Variants in CSMD2 observed in about 807,000 individuals in gnomAD.
CSMD2 encodes CUB and Sushi multiple domains 2, also known as CUB and sushi domain-containing protein 2.
A neutral mutation model predicts 398.5 loss-of-function variants in CSMD2; 130 were observed. The observed-to-expected ratio is 0.33, with a 90% CI of 0.28 to 0.38. The LOEUF is 0.38. Ranked by LOEUF, CSMD2 falls within the 10% of genes least tolerant of loss-of-function variation. The probability of loss-of-function intolerance (pLI) is 1.00; values close to 1 mark genes in which losing one functional copy is unlikely to be tolerated. For missense variants in CSMD2, 3,829 were observed against 4,764.9 expected, an observed-to-expected ratio of 0.80 and a Z score of 5.78; for synonymous variants, 1,828 against 1,908.5, an observed-to-expected ratio of 0.96 and a Z score of 1.10.
At chr1:33,839,073 G>A (rs1283237024) in intron 6 of CSMD2, 1 of 152,252 alleles carries the variant, frequency 6.6e-6, no homozygotes, top group Non-Finnish European at 1.5e-5. Context: ...CATTTCTGAT[G>A]TAATCACAAA....
chr1:33,880,919 A>G (rs946715354), intron 5 of CSMD2, among the ~76,000 whole-genome samples: 6 of 152,154 alleles, frequency 3.9e-5, no homozygotes, highest in Non-Finnish European at 7.3e-5. Flanking sequence ...TCCCCCATTC[A>G]CCCTGAAACA....
intron 10 of CSMD2, among the ~76,000 whole-genome samples, chr1:33,803,043 C>T (rs1201752847): frequency 6.6e-6 from 1 of 152,162 alleles, no homozygotes; most frequent in Non-Finnish European, 1.5e-5. Context: ...AGTCTTCTTC[C>T]AAGGCCAAAG....
chr1:33,743,647 C>T, intron 13 of CSMD2, 41 bp from the exon 14 acceptor site: 13 of 1,429,284 alleles, frequency 9.1e-6, no homozygotes, highest in Non-Finnish European at 1.2e-5. Flanking sequence ...GCATCCCCAA[C>T]ATTCTGCCTG....
chr1:33,849,129 G>A (rs890929187), intron 5 of CSMD2, among the ~76,000 whole-genome samples: 2 of 152,148 alleles, frequency 1.3e-5, no homozygotes, highest in Admixed American at 6.5e-5. Flanking sequence ...GTTAATTTCC[G>A]AGGCTTAAAC....
Position 33,537,753 on chromosome 1 carries a change from G to T in CSMD2, c.9632-144C>A. ...GGAACCGGGGCAGCCCCAGGTAGGT[G>T]CTTCCACCTGCTGCGGTGCTGCTGC... On this transcript the variant is annotated intron_variant, in intron 60 of 70. Coordinates refer to ENST00000373381, the MANE Select transcript of CSMD2 (RefSeq NM_001281956.2). The surrounding 1 kb of genome is among the most constrained non-coding windows in gnomAD (Gnocchi z 4.6). 1.4e-6 allele frequency: 1 copy of T among 714,816 alleles called. No homozygotes were observed. The highest frequency in any genetic ancestry group is 2.2e-6 in the Non-Finnish European group (1 of 460,850). 44.3% of individuals were successfully genotyped at this position (714,816 alleles called of 1,614,324 possible).
intron 3 of CSMD2, among the ~76,000 whole-genome samples, chr1:33,988,890 A>G: frequency 6.6e-6 from 1 of 151,576 alleles, no homozygotes; most frequent in Middle Eastern, 3.2e-3. Flanking sequence ...CCCATACACA[A>G]ATATTAACAC....
At chr1:34,076,578 G>A (rs1656356979) in intron 2 of CSMD2, among the ~76,000 whole-genome samples, 1 of 150,624 alleles carries the variant, frequency 6.6e-6, no homozygotes, top group Non-Finnish European at 1.5e-5. Flanking sequence ...ACTGCCTTCA[G>A]TTGAGAACCA....
At position 33,557,200 on chromosome 1, in the gene CSMD2, C is replaced by A. The variant is rs956378450; in HGVS notation, c.8743+534G>T. On this transcript the variant is annotated intron_variant, in intron 55 of 70. Coordinates refer to ENST00000373381, the MANE Select transcript of CSMD2 (RefSeq NM_001281956.2). ...AATAACCCTATGGAATAGGTACTGG[C>A]ATCATTTTTATAGATGAAGAAACTG... 5.9e-5 allele frequency among the ~76,000 whole-genome samples: 9 copies of A among 152,244 alleles called. No homozygotes were observed. The South Asian group carries it at 1.9e-3, about 32-fold the overall frequency.
chr1:33,868,361 A>G (rs1460932033), intron 5 of CSMD2, among the ~76,000 whole-genome samples: 2 of 152,242 alleles, frequency 1.3e-5, no homozygotes, highest in East Asian at 1.9e-4. Context: ...TGCCTGCAAT[A>G]TAACAGCAAC....
chr1:33,584,686 C>CATATATGTATATATATATATTATGAAATA (rs1404875667), intron 46 of CSMD2, among the ~76,000 whole-genome samples: 7,053 of 148,980 alleles, frequency 0.047, 177 homozygotes, highest in Middle Eastern at 0.11. Flanking sequence ...TATCTATATA[C>CATATATGTATATATATATATTATGAAATA]ATATATGTAT....
At chr1:33,847,279 T>C (rs1024375903) in intron 5 of CSMD2, among the ~76,000 whole-genome samples, 2 of 151,864 alleles carry the variant, frequency 1.3e-5, no homozygotes, top group African/African-American at 4.8e-5. Flanking sequence ...TCCCTAAGCA[T>C]TCCATCCTTT....
intron 6 of CSMD2, among the ~76,000 whole-genome samples, chr1:33,845,127 T>C (rs187420726): frequency 6.6e-6 from 1 of 152,250 alleles, no homozygotes; most frequent in East Asian, 1.9e-4. Context: ...AAAACAAAGT[T>C]TGAAAGCTAC....
chr1:34,151,810 T>TCCC (rs1640346794), intron 1 of CSMD2, among the ~76,000 whole-genome samples: 1 of 62,390 alleles, frequency 1.6e-5, no homozygotes, highest in African/African-American at 6.8e-5. Flanking sequence ...CCTCCCTCCC[T>TCCC]CCCTCCCCCC....
chr1:34,149,376 C>T (rs1474577793), intron 1 of CSMD2, among the ~76,000 whole-genome samples: 1 of 152,180 alleles, frequency 6.6e-6, no homozygotes, highest in Non-Finnish European at 1.5e-5. Context: ...GCTGGCCTCA[C>T]CTCAGCCTGC....
At chr1:33,757,624 G>C (rs1355130559) in intron 13 of CSMD2, among the ~76,000 whole-genome samples, 1 of 152,082 alleles carries the variant, frequency 6.6e-6, no homozygotes, top group Non-Finnish European at 1.5e-5. Context: ...CAGACTTGAG[G>C]CAAAACTGTC....
At chr1:34,050,991 C>T (rs182783698) in intron 2 of CSMD2, among the ~76,000 whole-genome samples, 60 of 152,228 alleles carry the variant, frequency 3.9e-4, no homozygotes, top group Admixed American at 1.0e-3. Flanking sequence ...GACTGCTACC[C>T]GGGCACTTTG....
At chr1:34,010,877 G>A (rs991140691) in intron 3 of CSMD2, among the ~76,000 whole-genome samples, 5 of 152,088 alleles carry the variant, frequency 3.3e-5, no homozygotes, top group South Asian at 2.1e-4. Flanking sequence ...TGCCCGCCTC[G>A]GCCTCCCAGA....
intron 6 of CSMD2, among the ~76,000 whole-genome samples, chr1:33,843,893 T>C (rs1471280199): frequency 6.6e-6 from 1 of 152,114 alleles, no homozygotes; most frequent in Non-Finnish European, 1.5e-5. Context: ...GGGGCAGACC[T>C]CTCTTCTATG....
chr1:34,117,386 T>C (rs1353331365), intron 1 of CSMD2, among the ~76,000 whole-genome samples: 1 of 151,922 alleles, frequency 6.6e-6, no homozygotes, highest in Non-Finnish European at 1.5e-5. Flanking sequence ...TAGAAACATA[T>C]AACCTACCAA....
Sources: gnomAD v4.1 joint callset for allele counts (sites outside exome capture counted in the v4.1 genomes callset) on GRCh38, gnomAD v4.1.1 for gene constraint, Gnocchi (gnomAD v3.1) non-coding constraint, MANE v1.5 for transcripts, NCBI Gene and HGNC (gene_info 2026-07-23, HGNC 2026-07-21) for gene names.